SMOX: variants seen among roughly 807,000 people sequenced by gnomAD.
The protein encoded by SMOX is spermine oxidase, also known as flavin containing amine oxidase.
Under a neutral mutation model 51.0 loss-of-function variants are expected in SMOX, and 22 were observed. That is an observed-to-expected ratio of 0.43 (90% CI 0.31 to 0.62). SMOX has a LOEUF of 0.62. Among genes scored for constraint, SMOX ranks in the 20% least tolerant of loss-of-function variants. The pLI is 0.10. For synonymous variants in SMOX, 282 were observed against 307.8 expected (o/e 0.92, Z 0.88); for missense variants, 566 against 777.7 (o/e 0.73, Z 3.24).
intron 1 of SMOX, chr20:4,171,961 T>TGGGACTG (rs1978423688): frequency 6.6e-6 from 1 of 152,348 alleles, no homozygotes; most frequent in Non-Finnish European, 1.5e-5. Context: ...GGTAGCTGGC[T>TGGGACTG]GGGACGGCCC....
chr20:4,160,728 G>T (rs1374032246), intron 1 of SMOX, among the ~76,000 whole-genome samples: 1 of 152,242 alleles, frequency 6.6e-6, no homozygotes, highest in Non-Finnish European at 1.5e-5. Context: ...GACACCATAA[G>T]AGAGGTATTT....
At chr20:4,151,704 A>G (rs1042076616) in intron 1 of SMOX, among the ~76,000 whole-genome samples, 1 of 152,140 alleles carries the variant, frequency 6.6e-6, no homozygotes, top group African/African-American at 2.4e-5. Context: ...ATGCCTTCCC[A>G]GTCTTGGGAA....
rs1986559716 is a variant in SMOX, at chr20:4,166,128, G to GATCTGTTGTCAGAGTGTT, written c.-26-8898_-26-8897insGTTGTCAGAGTGTTATCT. The stretch of plus-strand genomic sequence containing the variant: ...CTGATCTAATCTGTTGTCAGAGTGT[G>GATCTGTTGTCAGAGTGTT]ATCTATTGTCAGAGTGTGATCTATT... On this transcript the variant is annotated intron_variant, in intron 1 of 6. Transcript: ENST00000305958. The surrounding 1 kb of genome is among the most constrained non-coding windows in gnomAD (Gnocchi z 4.2). Among the ~76,000 whole-genome samples the GATCTGTTGTCAGAGTGTT allele has an allele frequency of 1.3e-5, 2 of 151,844 alleles. No homozygotes were observed. Among genetic ancestry groups the GATCTGTTGTCAGAGTGTT allele is most frequent in the African/African-American group, 4.8e-5 (2 of 41,414 alleles).
At position 4,166,709 on chromosome 20, in the gene SMOX, A is replaced by G. The variant is rs1171865898; in HGVS notation, c.-26-8321A>G. On this transcript the variant is annotated intron_variant, in intron 1 of 6. Coordinates refer to ENST00000305958, the MANE Select transcript of SMOX (RefSeq NM_175839.3). This position sits in a 1 kb window ranked among gnomAD's most constrained non-coding sequence, Gnocchi z 4.2. ...AAACAGAGATGGCCCCAGAGTGCTC[A>G]CCTCTCCCGGGGGCCTCCCGCTCTT... is the stretch of plus-strand genomic sequence containing the variant. Among the ~76,000 whole-genome samples the G allele has an allele frequency of 1.3e-5, 2 of 151,848 alleles. No homozygotes were observed. The highest frequency in any genetic ancestry group is 4.2e-4 in the South Asian group (2 of 4,808).
At chr20:4,162,624 G>A (rs549750083) in intron 1 of SMOX, among the ~76,000 whole-genome samples, 3 of 152,264 alleles carry the variant, frequency 2.0e-5, no homozygotes, top group Admixed American at 6.5e-5. Context: ...CCATTGCTGC[G>A]GAATCTCCAG....
chr20:4,175,350 T>A, intron 2 of SMOX, 87 bp downstream of exon 2: 1 of 1,430,878 alleles, frequency 7.0e-7, no homozygotes, highest in Non-Finnish European at 9.6e-7. Flanking sequence ...CTCATTATTT[T>A]AACTTCTGGG....
In SMOX at chr20:4,181,033, CTG is replaced by C. The variant is rs1979281352; in HGVS notation, c.436-768_436-767del. Among the ~76,000 whole-genome samples the C allele has an allele frequency of 6.6e-6, 1 of 152,168 alleles. No individual in the cohort carries two copies. The highest frequency in any genetic ancestry group is 2.4e-5 in the African/African-American group (1 of 41,422). ...AGCTCTGCCCAGTGCTTAGTGGGGACTGTATATGAGACAGGCACGAGGGTCGG... is the reference window on the plus strand; with the variant it reads ...AGCTCTGCCCAGTGCTTAGTGGGGACTATATGAGACAGGCACGAGGGTCGG... On this transcript the variant is annotated intron_variant, in intron 3 of 6. Coordinates refer to ENST00000305958, the MANE Select transcript of SMOX (RefSeq NM_175839.3). This position sits in a 1 kb window ranked among gnomAD's most constrained non-coding sequence, Gnocchi z 5.6.
intron 6 of SMOX, among the ~76,000 whole-genome samples, chr20:4,186,467 A>G (rs1979742997): frequency 6.6e-6 from 1 of 152,182 alleles, no homozygotes; most frequent in South Asian, 2.1e-4. Context: ...CTCAAGGCCG[A>G]GCCCTGGCTG....
At chr20:4,158,316 C>A (rs1298596286) in intron 1 of SMOX, among the ~76,000 whole-genome samples, 2 of 152,134 alleles carry the variant, frequency 1.3e-5, no homozygotes, top group African/African-American at 4.8e-5. Context: ...CCTACCCAGC[C>A]CTAGCTCCCC....
intron 1 of SMOX, among the ~76,000 whole-genome samples, chr20:4,163,786 G>C (rs1283149494): frequency 6.6e-6 from 1 of 152,202 alleles, no homozygotes; most frequent in Non-Finnish European, 1.5e-5. Context: ...GGCTGCCCCA[G>C]GGTTGCTTGA....
At chr20:4,179,362 G>C (rs1979149347) in intron 3 of SMOX, among the ~76,000 whole-genome samples, 1 of 152,144 alleles carries the variant, frequency 6.6e-6, no homozygotes, top group Non-Finnish European at 1.5e-5. Context: ...AGTCAAGAGA[G>C]TGCGTTGTGG....
At position 4,182,714 on chromosome 20, in the gene SMOX, A is replaced by G. The variant is rs1338006030; in HGVS notation, c.1235A>G (p.Asp412Gly). The change falls in exon 5 of 7, where the codon GAT becomes GGT. Residue 412 changes from aspartate (D) to glycine (G), a missense_variant. Asp to Gly is a moderately conservative substitution (Grantham distance 94). Around this residue, in one of 3 missense-constraint regions of SMOX, gnomAD observed 347 missense variants for 481.8 expected, o/e 0.72. Coordinates refer to ENST00000305958, the MANE Select transcript of SMOX (RefSeq NM_175839.3). The surrounding 1 kb of genome is among the most constrained non-coding windows in gnomAD (Gnocchi z 8.4). ...ELWYRKICGF[D>G]VLYPPERYGH... ...TGGTACCGCAAGATCTGCGGCTTTG[A>G]TGTCCTCTACCCGCCTGAGCGCTAC... 1.2e-6 allele frequency: 2 copies of G among 1,614,080 alleles called. No individual in the cohort carries two copies. The highest frequency in any genetic ancestry group is 1.7e-6 in the Non-Finnish European group (2 of 1,180,006).
chr20:4,162,566 G>A (rs1420803030), intron 1 of SMOX, among the ~76,000 whole-genome samples: 3 of 152,086 alleles, frequency 2.0e-5, no homozygotes, highest in Non-Finnish European at 4.4e-5. Context: ...CTGTACCTTT[G>A]AGTTCACTGG....
In SMOX at chr20:4,149,096, C is replaced by G. The variant is rs1250899240; in HGVS notation, c.-27+119C>G. ...CCGGAGCGGTCCCCGAGGGCTCGGC[C>G]GGCCCGGGGCTTGGGCGGCCAGCGC... On this transcript the variant is annotated intron_variant, in intron 1 of 6. Coordinates refer to ENST00000305958, the MANE Select transcript of SMOX (RefSeq NM_175839.3). This position sits in a 1 kb window ranked among gnomAD's most constrained non-coding sequence, Gnocchi z 6.0. 1 of 149,398 alleles carries G rather than the reference C, an allele frequency of 6.7e-6. No individual in the cohort carries two copies. Among genetic ancestry groups the G allele is most frequent in the Non-Finnish European group, 1.5e-5 (1 of 66,974 alleles). 9.3% of individuals were successfully genotyped at this position (149,398 alleles called of 1,614,324 possible).
rs563263541 is a variant in SMOX, at chr20:4,172,484, G to A, written c.-26-2546G>A. ...GGAGGACTGGAGCCAGCCCTGATCC[G>A]TGTCCTCTCGGGAGGGAGGCAGGAC... is the stretch of plus-strand genomic sequence containing the variant. On this transcript the variant is annotated intron_variant, in intron 1 of 6. Coordinates refer to ENST00000305958, the MANE Select transcript of SMOX (RefSeq NM_175839.3). The surrounding 1 kb of genome is among the most constrained non-coding windows in gnomAD (Gnocchi z 7.7). Among the ~76,000 whole-genome samples, 36 of 152,188 alleles carry A rather than the reference G, an allele frequency of 2.4e-4. No individual in the cohort carries two copies. Among genetic ancestry groups the A allele is most frequent in the Admixed American group, 2.2e-3 (33 of 15,304 alleles).
At chr20:4,165,010 T>TG (rs1986496123) in intron 1 of SMOX, among the ~76,000 whole-genome samples, 1 of 150,148 alleles carries the variant, frequency 6.7e-6, no homozygotes, top group Non-Finnish European at 1.5e-5. Flanking sequence ...TTGGAGTAGC[T>TG]GGGACTCCAG....
chr20:4,179,185 C>T (rs932244054), intron 3 of SMOX, among the ~76,000 whole-genome samples: 1 of 152,170 alleles, frequency 6.6e-6, no homozygotes, highest in African/African-American at 2.4e-5. Flanking sequence ...TCAAAACAGA[C>T]CTTTCTTTTC....
Position 4,166,148 on chromosome 20 carries a change from T to C in SMOX, c.-26-8882T>C, listed in dbSNP as rs1600807164. On this transcript the variant is annotated intron_variant, in intron 1 of 6. Transcript: ENST00000305958. This position sits in a 1 kb window ranked among gnomAD's most constrained non-coding sequence, Gnocchi z 4.2. The stretch of plus-strand genomic sequence containing the variant: ...AGTGTGATCTATTGTCAGAGTGTGA[T>C]CTATTGTCAGAGTGTGATCGAGTTG... Among the ~76,000 whole-genome samples the C allele has an allele frequency of 6.6e-6, 1 of 152,162 alleles. No homozygotes were observed. Among genetic ancestry groups the C allele is most frequent in the Admixed American group, 6.5e-5 (1 of 15,290 alleles).
rs1979394821 is a variant in SMOX, at chr20:4,182,330, G to A, written c.851G>A (p.Gly284Asp). 2 of 1,595,708 alleles carry A rather than the reference G, an allele frequency of 1.3e-6. No homozygotes were observed. The highest frequency in any genetic ancestry group is 2.2e-5 in the East Asian group (1 of 44,508). The change falls in exon 5 of 7, where the codon GGC (glycine) becomes GAC (aspartate). Residue 284 changes from glycine to aspartate, a missense_variant. By Grantham distance (94) the Gly-to-Asp change is moderately conservative. Coordinates refer to ENST00000305958, the MANE Select transcript of SMOX (RefSeq NM_175839.3). This position sits in a 1 kb window ranked among gnomAD's most constrained non-coding sequence, Gnocchi z 8.4. The stretch of plus-strand genomic sequence containing the variant: ...CCTGAGATTGAGCCCCGGGGTGAGG[G>A]CGACCACAATCACGACACTGGGGAG... ...RGPEIEPRGE[G>D]DHNHDTGEGG...
Sources: allele counts gnomAD v4.1 joint callset (sites outside exome capture counted in the v4.1 genomes callset), GRCh38; gene constraint gnomAD v4.1.1; regional missense constraint gnomAD v4.1.1; non-coding constraint Gnocchi (gnomAD v3.1); transcripts MANE v1.5; gene names NCBI Gene and HGNC (gene_info 2026-07-23, HGNC 2026-07-21).